VCL: variants seen among roughly 807,000 people sequenced by gnomAD.
VCL encodes epididymis luminal protein 114.
Under a neutral mutation model 125.7 loss-of-function variants are expected in VCL, and 47 were observed. That is an observed-to-expected ratio of 0.37 (90% CI 0.30 to 0.48). VCL has a LOEUF of 0.48. Among genes scored for constraint, VCL ranks in the 20% least tolerant of loss-of-function variants. VCL has a pLI of 0.99. For missense variants in VCL, 1,069 were observed against 1,455.5 expected (o/e 0.73, Z 4.32); for synonymous variants, 458 against 514.6 (o/e 0.89, Z 1.49).
At chr10:74,002,202 C>T (rs568580182) in intron 1 of VCL, among the ~76,000 whole-genome samples, 2 of 152,216 alleles carry the variant, frequency 1.3e-5, no homozygotes, top group East Asian at 1.9e-4. Context: ...CTTGGCTCAC[C>T]GCAACCTCTG....
At chr10:74,035,641 G>C (rs1370742095) in intron 1 of VCL, among the ~76,000 whole-genome samples, 1 of 152,150 alleles carries the variant, frequency 6.6e-6, no homozygotes, top group Non-Finnish European at 1.5e-5. Context: ...AGAGTTAAAA[G>C]CTATTCTCTG....
chr10:74,057,524 G>A (rs555987440), intron 2 of VCL, among the ~76,000 whole-genome samples: 2 of 152,260 alleles, frequency 1.3e-5, no homozygotes, highest in Non-Finnish European at 2.9e-5. Context: ...GGGCCTGCCT[G>A]TACCCCAAAC....
intron 1 of VCL, among the ~76,000 whole-genome samples, chr10:74,004,516 G>T (rs1840284194): frequency 6.6e-6 from 1 of 152,106 alleles, no homozygotes; most frequent in African/African-American, 2.4e-5. Flanking sequence ...ATCAGTGGAG[G>T]TTTCCCACCT....
chr10:74,036,936 A>G (rs1840990774), intron 1 of VCL, among the ~76,000 whole-genome samples: 1 of 146,156 alleles, frequency 6.8e-6, no homozygotes, highest in Non-Finnish European at 1.5e-5. Context: ...TTTGAGATGG[A>G]GTCTCGCTCT....
chr10:74,099,979 G>C (rs927763840), intron 13 of VCL, among the ~76,000 whole-genome samples: 1 of 152,204 alleles, frequency 6.6e-6, no homozygotes, highest in Non-Finnish European at 1.5e-5. Context: ...TCTAGAGCCA[G>C]AACTGATCTC....
intron 13 of VCL, among the ~76,000 whole-genome samples, chr10:74,100,428 A>G (rs1395248191): frequency 2.0e-5 from 3 of 152,208 alleles, no homozygotes; most frequent in Non-Finnish European, 4.4e-5. Context: ...TTGGAGGTCA[A>G]TGGCAGAGTT....
chr10:74,050,932 ATTTTTTTTTT>A (rs10607921), intron 2 of VCL, among the ~76,000 whole-genome samples: 8 of 77,464 alleles, frequency 1.0e-4, no homozygotes, highest in Admixed American at 3.6e-4. Context: ...GTACTACTGT[ATTTTTTTTTT>A]TTTTTTTTTT....
intron 18 of VCL, among the ~76,000 whole-genome samples, chr10:74,110,338 G>C (rs1208031518): frequency 6.6e-6 from 1 of 152,216 alleles, no homozygotes; most frequent in Non-Finnish European, 1.5e-5. Context: ...CTTAAAAGCA[G>C]ACAGCATTGG....
intron 10 of VCL, 61 bp downstream of exon 10, chr10:74,090,259 C>T: frequency 1.3e-6 from 2 of 1,588,222 alleles, no homozygotes; most frequent in East Asian, 4.5e-5. Context: ...CTCTCCCTTC[C>T]CTCTCCCTTT....
chr10:74,043,800 T>C (rs944545461), intron 2 of VCL, among the ~76,000 whole-genome samples: 1 of 152,072 alleles, frequency 6.6e-6, no homozygotes, highest in African/African-American at 2.4e-5. Context: ...TAATGGTAGA[T>C]ATAAACTTTA....
chr10:74,022,293 C>T (rs1226409623), intron 1 of VCL, among the ~76,000 whole-genome samples: 2 of 152,060 alleles, frequency 1.3e-5, no homozygotes, highest in African/African-American at 2.4e-5. Context: ...TGCCTGTAAT[C>T]CCAGCACTTT....
intron 1 of VCL, among the ~76,000 whole-genome samples, chr10:74,035,727 A>G (rs1291581386): frequency 6.6e-6 from 1 of 152,236 alleles, no homozygotes; most frequent in Non-Finnish European, 1.5e-5. Context: ...GCAATGGAAT[A>G]AAGTTAGGAA....
Position 74,097,274 on chromosome 10 carries a change from C to A in VCL, c.1814C>A (p.Pro605His). 6.2e-7 allele frequency: 1 copy of A among 1,614,104 alleles called. No individual in the cohort carries two copies. Residue 605 changes from proline (P) to histidine (H), a missense_variant, in exon 13 of 22, where the codon CCC becomes CAC. Pro to His is a moderately conservative substitution (Grantham distance 77, BLOSUM62 -2). Transcript: ENST00000211998. The surrounding 1 kb of genome is among the most constrained non-coding windows in gnomAD (Gnocchi z 4.1). ...GATGTTTTCAGCGATACCACAACTC[C>A]CATCAAGCTGTTGGCAGTGGCAGCC... ...VSDVFSDTTT[P>H]IKLLAVAATA...
chr10:74,032,899 T>C (rs1227267336), intron 1 of VCL, among the ~76,000 whole-genome samples: 2 of 152,100 alleles, frequency 1.3e-5, no homozygotes, highest in Non-Finnish European at 2.9e-5. Flanking sequence ...GCCAGGGATA[T>C]TGAGAAGTTG....
intron 2 of VCL, among the ~76,000 whole-genome samples, chr10:74,054,646 C>A (rs924068105): frequency 3.3e-5 from 5 of 152,074 alleles, no homozygotes; most frequent in Admixed American, 1.3e-4. Flanking sequence ...TTAGGCTGGG[C>A]GTGGTGGCTC....
intron 8 of VCL, among the ~76,000 whole-genome samples, chr10:74,088,305 C>A (rs1839820650): frequency 6.6e-6 from 1 of 152,126 alleles, no homozygotes; most frequent in Non-Finnish European, 1.5e-5. Flanking sequence ...GAACTCATAT[C>A]ATTTTTAGTA....
At chr10:74,090,610 G>C (rs966383662) in intron 10 of VCL, among the ~76,000 whole-genome samples, 2 of 152,048 alleles carry the variant, frequency 1.3e-5, no homozygotes, top group African/African-American at 2.4e-5. Flanking sequence ...GGGAAGAAGC[G>C]TAAGAATGTA....
chr10:74,016,234 T>C (rs1386775868), intron 1 of VCL, among the ~76,000 whole-genome samples: 2 of 152,234 alleles, frequency 1.3e-5, no homozygotes, highest in Non-Finnish European at 2.9e-5. Flanking sequence ...AAAATTGTCA[T>C]TTCTTGTTGT....
intron 1 of VCL, among the ~76,000 whole-genome samples, chr10:74,018,178 A>ATATATATATATATATATATATG (rs1840590694): frequency 3.0e-5 from 1 of 33,474 alleles, no homozygotes; most frequent in Non-Finnish European, 6.1e-5. Flanking sequence ...TATATATAGG[A>ATATATATATATATATATATATG]TATATATATA....
Sources: allele counts gnomAD v4.1 joint callset (sites outside exome capture counted in the v4.1 genomes callset), GRCh38; gene constraint gnomAD v4.1.1; non-coding constraint Gnocchi (gnomAD v3.1); transcripts MANE v1.5; gene names NCBI Gene and HGNC (gene_info 2026-07-23, HGNC 2026-07-21).